The following CPA6 variants were observed in gnomAD, a reference collection of about 807,000 sequenced individuals.
CPA6 encodes the protein carboxypeptidase A6, also known as carboxypeptidase B.
Under a neutral mutation model 63.3 loss-of-function variants are expected in CPA6, and 58 were observed. The ratio of observed to expected loss-of-function variants is 0.92; its 90% CI spans 0.74 to 1.14. CPA6 has a LOEUF of 1.14. Among genes scored for constraint, CPA6 ranks in the 50% most tolerant of loss-of-function variants. CPA6 has a pLI of 0.00. For missense variants in CPA6, 565 were observed against 526.6 expected (o/e 1.07, Z -0.71); for synonymous variants, 185 against 179.0 (o/e 1.03, Z -0.27).
Position 67,434,096 on chromosome 8 carries a change from T to C in CPA6, c.983A>G (p.Gln328Arg). ...RAYLSFHAYAQMLLYPYSYKY... is the reference protein window; with the variant it reads ...RAYLSFHAYARMLLYPYSYKY... ...GTAAGAATAGGGATACAGTAACATC[T>C]GAGCATATGCATGAAAGGAGAGATA... Residue 328 changes from glutamine (Q) to arginine (R), a missense_variant, in exon 9 of 11, where the codon CAG becomes CGG. By Grantham distance (43) the Gln-to-Arg change is conservative. Transcript: ENST00000297770. 1 of 1,613,924 alleles carries C rather than the reference T, an allele frequency of 6.2e-7. No individual in the cohort carries two copies. The highest frequency in any genetic ancestry group is 8.5e-7 in the Non-Finnish European group (1 of 1,179,928).
chr8:67,506,762 A>T, intron 6 of CPA6, 25 bp downstream of exon 6: 2 of 1,466,404 alleles, frequency 1.4e-6, no homozygotes, highest in Non-Finnish European at 1.9e-6. Context: ...GCTGAAATGG[A>T]CATTGTGTAA....
chr8:67,594,503 C>T (rs148959503), intron 2 of CPA6, among the ~76,000 whole-genome samples: 10,252 of 152,208 alleles, frequency 0.067, 617 homozygotes, highest in African/African-American at 0.16. Flanking sequence ...CCATTCTCCC[C>T]GTCACTTTCA....
chr8:67,655,659 G>T (rs1209554385), intron 1 of CPA6, among the ~76,000 whole-genome samples: 1 of 151,972 alleles, frequency 6.6e-6, no homozygotes, highest in Admixed American at 6.6e-5. Flanking sequence ...GCTGATTCTG[G>T]GGCCCTTTCA....
intron 1 of CPA6, among the ~76,000 whole-genome samples, chr8:67,670,946 A>G (rs1329991287): frequency 6.6e-6 from 1 of 152,242 alleles, no homozygotes; most frequent in Non-Finnish European, 1.5e-5. Flanking sequence ...CTGAGTGTTA[A>G]TAATTCATCT....
At chr8:67,667,072 T>G (rs558000081) in intron 1 of CPA6, among the ~76,000 whole-genome samples, 1 of 152,274 alleles carries the variant, frequency 6.6e-6, no homozygotes, top group Non-Finnish European at 1.5e-5. Context: ...AAATGTTTCT[T>G]TAATTACCTG....
intron 1 of CPA6, among the ~76,000 whole-genome samples, chr8:67,640,634 G>A (rs1322717163): frequency 6.6e-6 from 1 of 151,368 alleles, no homozygotes; most frequent in Admixed American, 6.6e-5. Flanking sequence ...CAGGAGCGCA[G>A]GGGTGCCTGG....
intron 1 of CPA6, among the ~76,000 whole-genome samples, chr8:67,728,169 T>G (rs1336420858): frequency 6.9e-6 from 1 of 145,164 alleles, no homozygotes. Context: ...AAACAAACTA[T>G]TATCTGTCCT....
intron 2 of CPA6, among the ~76,000 whole-genome samples, chr8:67,597,308 C>G (rs1814369053): frequency 6.6e-6 from 1 of 151,526 alleles, no homozygotes; most frequent in South Asian, 2.1e-4. Flanking sequence ...AAGCAATTCT[C>G]CTGCCTCAGC....
At chr8:67,536,169 G>A (rs925574260) in intron 2 of CPA6, among the ~76,000 whole-genome samples, 1 of 152,094 alleles carries the variant, frequency 6.6e-6, no homozygotes, top group Non-Finnish European at 1.5e-5. Flanking sequence ...GGATTGTCTT[G>A]GTTGTGTGGG....
intron 1 of CPA6, among the ~76,000 whole-genome samples, chr8:67,666,678 A>G (rs1297120368): frequency 6.6e-6 from 1 of 152,040 alleles, no homozygotes; most frequent in African/African-American, 2.4e-5. Flanking sequence ...CACTGATGGG[A>G]ACAGGGGCTG....
intron 1 of CPA6, among the ~76,000 whole-genome samples, chr8:67,630,840 C>G (rs542325048): frequency 6.6e-6 from 1 of 152,318 alleles, no homozygotes; most frequent in East Asian, 1.9e-4. Context: ...CGCTGCCAGC[C>G]CAGGGCAGTG....
chr8:67,668,725 G>T (rs1816283276), intron 1 of CPA6, among the ~76,000 whole-genome samples: 1 of 152,058 alleles, frequency 6.6e-6, no homozygotes, highest in Non-Finnish European at 1.5e-5. Flanking sequence ...TGCCTTCTGG[G>T]CCCCCAGCAT....
At position 67,522,171 on chromosome 8, in the gene CPA6, T is replaced by C. The variant is rs560784120; in HGVS notation, c.193-4124A>G. ...TTAGCTAATTAAATTAAATGGTGCT[T>C]TTTTCAGGCCCGCCCATGGACCAAT... On this transcript the variant is annotated intron_variant, in intron 2 of 10. Coordinates refer to ENST00000297770, the MANE Select transcript of CPA6 (RefSeq NM_020361.5). 7.6e-4 allele frequency among the ~76,000 whole-genome samples: 116 copies of C among 152,144 alleles called. 2 individuals carry two copies. In the South Asian group the frequency reaches 0.024, roughly 31 times the overall value.
chr8:67,592,799 T>C (rs1587609827), intron 2 of CPA6, among the ~76,000 whole-genome samples: 2 of 152,198 alleles, frequency 1.3e-5, no homozygotes, highest in Non-Finnish European at 2.9e-5. Context: ...GTCTTGCTAG[T>C]GGTCTATCAA....
chr8:67,640,031 C>T (rs776492586), intron 1 of CPA6, among the ~76,000 whole-genome samples: 7 of 151,244 alleles, frequency 4.6e-5, no homozygotes, highest in Non-Finnish European at 1.0e-4. Context: ...TGTAGCTGGT[C>T]GTCCCATCAT....
chr8:67,675,505 TC>T (rs1816451843), intron 1 of CPA6, among the ~76,000 whole-genome samples: 1 of 152,010 alleles, frequency 6.6e-6, no homozygotes. Flanking sequence ...CTTCCACCCC[TC>T]CCCTTGCCCA....
At chr8:67,568,959 C>G (rs1398617761) in intron 2 of CPA6, among the ~76,000 whole-genome samples, 1 of 152,168 alleles carries the variant, frequency 6.6e-6, no homozygotes, top group Non-Finnish European at 1.5e-5. Context: ...CCATGTTGGC[C>G]AGGCTGGTCT....
At chr8:67,630,366 G>C (rs1157665341) in intron 1 of CPA6, among the ~76,000 whole-genome samples, 1 of 151,990 alleles carries the variant, frequency 6.6e-6, no homozygotes, top group East Asian at 1.9e-4. Context: ...GGGAAACTGA[G>C]TACCTAAAGA....
chr8:67,464,180 T>C (rs1272487989), intron 8 of CPA6, among the ~76,000 whole-genome samples: 2 of 152,204 alleles, frequency 1.3e-5, no homozygotes, highest in Non-Finnish European at 2.9e-5. Flanking sequence ...CATCTGTTAT[T>C]TTTATTATTA....
Sources: gnomAD v4.1 joint callset for allele counts (sites outside exome capture counted in the v4.1 genomes callset) on GRCh38, gnomAD v4.1.1 for gene constraint, MANE v1.5 for transcripts, NCBI Gene and HGNC (gene_info 2026-07-23, HGNC 2026-07-21) for gene names.